The following RBFOX3 variants were observed in gnomAD, a reference collection of about 807,000 sequenced individuals.
RBFOX3 encodes RNA binding fox-1 homolog 3.
Under a neutral mutation model 48.7 loss-of-function variants are expected in RBFOX3, and 17 were observed. That is an observed-to-expected ratio of 0.35 (90% confidence interval 0.24 to 0.52). RBFOX3 has a LOEUF of 0.52. Among genes scored for constraint, RBFOX3 ranks in the 20% least tolerant of loss-of-function variants. The pLI is 0.94. For synonymous variants in RBFOX3, 212 were observed against 209.5 expected, an observed-to-expected ratio of 1.01 and a Z score of -0.10; for missense variants, 382 against 497.5, an observed-to-expected ratio of 0.77 and a Z score of 2.21.
chr17:79,248,242 T>C (rs540008255), intron 3 of RBFOX3, among the ~76,000 whole-genome samples: 1 of 150,120 alleles, frequency 6.7e-6, no homozygotes, highest in African/African-American at 2.4e-5. Flanking sequence ...GTGTGTGTGT[T>C]TTTTTTTTGG....
chr17:79,658,443 C>T, the RBFOX3 span, among the ~76,000 whole-genome samples: 1 of 146,994 alleles, frequency 6.8e-6, no homozygotes, highest in Non-Finnish European at 1.5e-5. Context: ...CTCCCTGTCT[C>T]CTCCTCCTCC....
At chr17:79,216,370 G>A (rs1487053639) in intron 4 of RBFOX3, among the ~76,000 whole-genome samples, 1 of 152,228 alleles carries the variant, frequency 6.6e-6, no homozygotes, top group African/African-American at 2.4e-5. Context: ...TGGGGACCAC[G>A]GAGCAGGTGG....
intron 4 of RBFOX3, among the ~76,000 whole-genome samples, chr17:79,152,449 G>C (rs1200636409): frequency 1.2e-5 from 1 of 84,760 alleles, no homozygotes; most frequent in Non-Finnish European, 2.6e-5. Context: ...TCCTTAGGGG[G>C]GACTAGGGTG....
chr17:79,351,056 G>A (rs2083846552), intron 2 of RBFOX3, among the ~76,000 whole-genome samples: 1 of 152,224 alleles, frequency 6.6e-6, no homozygotes, highest in African/African-American at 2.4e-5. Context: ...CCGACGTAAT[G>A]TTTTCAAGGT....
intron 3 of RBFOX3, among the ~76,000 whole-genome samples, chr17:79,238,855 T>G (rs2061965260): frequency 6.6e-6 from 1 of 152,154 alleles, no homozygotes; most frequent in African/African-American, 2.4e-5. Context: ...TCCCCATTTT[T>G]GAAAGCTCCA....
At chr17:79,561,574 G>A (rs1013926562) in intron 1 of RBFOX3, among the ~76,000 whole-genome samples, 34 of 152,280 alleles carry the variant, frequency 2.2e-4, no homozygotes, top group South Asian at 6.2e-4. Flanking sequence ...CGATGTCACC[G>A]CTGAAACTGA....
chr17:79,554,870 A>G (rs2143809659), intron 1 of RBFOX3, among the ~76,000 whole-genome samples: 1 of 152,234 alleles, frequency 6.6e-6, no homozygotes, highest in African/African-American at 2.4e-5. Flanking sequence ...TCCCTCTTTT[A>G]TGGAATAGAA....
At chr17:79,610,120 C>T (rs2093937682) in intron 1 of RBFOX3, among the ~76,000 whole-genome samples, 1 of 152,032 alleles carries the variant, frequency 6.6e-6, no homozygotes, top group South Asian at 2.1e-4. Flanking sequence ...GCGCCGCTCG[C>T]CCCTCGCTGC....
At chr17:79,244,504 C>A (rs997370632) in intron 3 of RBFOX3, among the ~76,000 whole-genome samples, 3 of 113,178 alleles carry the variant, frequency 2.7e-5, no homozygotes, top group Non-Finnish European at 5.0e-5. Flanking sequence ...ACCTTCAGGG[C>A]AGTGCCAGCG....
chr17:79,143,621 G>A (rs1042774198), intron 4 of RBFOX3, among the ~76,000 whole-genome samples: 1 of 152,172 alleles, frequency 6.6e-6, no homozygotes, highest in Non-Finnish European at 1.5e-5. Flanking sequence ...CTGGCCACAG[G>A]TGACCCCCTT....
chr17:79,170,128 A>AAGGG (rs1327364429), intron 4 of RBFOX3, among the ~76,000 whole-genome samples: 4 of 135,698 alleles, frequency 2.9e-5, no homozygotes, highest in African/African-American at 9.7e-5. Context: ...GGAAGGAAGG[A>AAGGG]AGGAGGAAGG....
At chr17:79,292,627 C>A (rs375237912) in intron 3 of RBFOX3, among the ~76,000 whole-genome samples, 2 of 151,094 alleles carry the variant, frequency 1.3e-5, no homozygotes, top group East Asian at 3.9e-4. Flanking sequence ...TACATGCAGA[C>A]CCAGTGCACT....
At chr17:79,109,662 G>A (rs1291532197) in intron 5 of RBFOX3, among the ~76,000 whole-genome samples, 1 of 152,194 alleles carries the variant, frequency 6.6e-6, no homozygotes, top group African/African-American at 2.4e-5. Flanking sequence ...CGGTGGACAG[G>A]GATGTGCCTG....
chr17:79,513,179 A>G (rs572444077), intron 1 of RBFOX3, among the ~76,000 whole-genome samples: 5,338 of 145,902 alleles, frequency 0.037, 138 homozygotes, highest in Non-Finnish European at 0.06. Flanking sequence ...ACCTGGATAC[A>G]TGTTACCATC....
chr17:79,122,324 A>C (rs1324372141), intron 4 of RBFOX3, among the ~76,000 whole-genome samples: 1 of 151,818 alleles, frequency 6.6e-6, no homozygotes, highest in Admixed American at 6.6e-5. Flanking sequence ...CCCCTCCCCC[A>C]CCAGGGTCCT....
chr17:79,567,223 G>A (rs2092496532), intron 1 of RBFOX3, among the ~76,000 whole-genome samples: 5 of 123,544 alleles, frequency 4.0e-5, no homozygotes, highest in South Asian at 2.6e-4. Context: ...TCACTCTGTC[G>A]CCCAGGCTGG....
intron 4 of RBFOX3, among the ~76,000 whole-genome samples, chr17:79,160,331 C>T (rs981483857): frequency 2.0e-5 from 3 of 152,218 alleles, no homozygotes; most frequent in Non-Finnish European, 2.9e-5. Context: ...AAGGCACGAG[C>T]GTGTGAGCGT....
chr17:79,185,382 G>C (rs1321091288), intron 4 of RBFOX3, among the ~76,000 whole-genome samples: 3 of 152,176 alleles, frequency 2.0e-5, no homozygotes, highest in African/African-American at 7.2e-5. Flanking sequence ...CCAGCGCAAG[G>C]GCCGGGCATG....
intron 2 of RBFOX3, among the ~76,000 whole-genome samples, chr17:79,440,670 G>T (rs1005622962): frequency 6.6e-6 from 1 of 152,142 alleles, no homozygotes; most frequent in Non-Finnish European, 1.5e-5. Flanking sequence ...CCCCAACTGT[G>T]AGAAAGCCTC....
Sources: allele counts gnomAD v4.1 joint callset (sites outside exome capture counted in the v4.1 genomes callset), GRCh38; gene constraint gnomAD v4.1.1; transcripts MANE v1.5; gene names NCBI Gene and HGNC (gene_info 2026-07-23, HGNC 2026-07-21).